The following FBN3 variants were observed in gnomAD, a reference collection of about 807,000 sequenced individuals.
FBN3 encodes fibrillin 3.
Under a neutral mutation model 330.1 loss-of-function variants are expected in FBN3, and 234 were observed. The observed-to-expected ratio is 0.71, with a 90% CI of 0.64 to 0.79. The LOEUF (loss-of-function observed/expected upper bound fraction) is 0.79, where lower values mean the gene tolerates loss of function less well. Ranked by LOEUF, FBN3 falls within the 30% of genes least tolerant of loss-of-function variation. The pLI is 0.00. For missense variants in FBN3, 3,606 were observed against 3,886.9 expected, an observed-to-expected ratio of 0.93 and a Z score of 1.92; for synonymous variants, 1,458 against 1,517.3, an observed-to-expected ratio of 0.96 and a Z score of 0.91.
In FBN3 at chr19:8,123,913, T is replaced by G. The variant is rs759987305; in HGVS notation, c.2827A>C (p.Ile943Leu). 48 of 1,613,794 alleles carry G rather than the reference T, an allele frequency of 3.0e-5. 1 individual carries two copies. In the Admixed American group the frequency reaches 7.3e-4, roughly 25 times the overall value. The change falls in exon 23 of 64, where the codon ATC becomes CTC. Residue 943 changes from isoleucine to leucine, a missense_variant. Transcript: ENST00000600128. Reference sequence around the variant, plus strand: ...CACTCGACTCCCCACACGGCCCCGATGGAGCAGCAGCAGACGTCCATCCGG... The same window carrying G: ...CACTCGACTCCCCACACGGCCCCGAGGGAGCAGCAGCAGACGTCCATCCGG... ...KYRMDVCCCS[I>L]GAVWGVECEA...
intron 62 of FBN3, 97 bp downstream of exon 62, chr19:8,072,966 C>CAT: frequency 1.6e-6 from 1 of 643,270 alleles, no homozygotes; most frequent in Non-Finnish European, 2.7e-6. Flanking sequence ...CACAAAGCCC[C>CAT]GTGTGTGTGT....
At chr19:8,085,158 C>T (rs2081907348) in intron 56 of FBN3, among the ~76,000 whole-genome samples, 1 of 151,930 alleles carries the variant, frequency 6.6e-6, no homozygotes, top group Admixed American at 6.6e-5. Flanking sequence ...GCTCCCTCAA[C>T]CCCCCGAGTT....
At chr19:8,128,938 G>T in intron 18 of FBN3, 90 bp downstream of exon 18, 2 of 1,458,336 alleles carry the variant, frequency 1.4e-6, no homozygotes, top group Non-Finnish European at 1.9e-6. Context: ...ATCTTTGAGC[G>T]TGTGCATGCC....
At chr19:8,066,519 T>C (rs536633714) in intron 63 of FBN3, among the ~76,000 whole-genome samples, 25 of 152,242 alleles carry the variant, frequency 1.6e-4, no homozygotes, top group African/African-American at 4.8e-4. Context: ...AAAAATTGCA[T>C]ACCCATGGAC....
rs1286543496 is a variant in FBN3 at position 8,126,601 on chromosome 19, G to A, written c.2421C>T (p.Ser807=). 2 of 1,609,222 alleles carry A rather than the reference G, an allele frequency of 1.2e-6. No individual in the cohort carries two copies. Among genetic ancestry groups the A allele is most frequent in the Non-Finnish European group, 1.7e-6 (2 of 1,179,744 alleles). The change falls in exon 20 of 64, where the codon AGC becomes AGT. Residue 807 remains serine (S), a synonymous_variant. Coordinates refer to ENST00000600128, the MANE Select transcript of FBN3 (RefSeq NM_032447.5). ...LDPSGTFCLD[S]TKGTCWLKIQ... Reference sequence around the variant, plus strand: ...TCTTCAGCCAGCAGGTGCCCTTGGTGCTGTCTGGGGAGAAGAGGCGGGTCA... The same window carrying A: ...TCTTCAGCCAGCAGGTGCCCTTGGTACTGTCTGGGGAGAAGAGGCGGGTCA...
At chr19:8,105,967 A>T in intron 38 of FBN3, 141 bp downstream of exon 38, 1 of 932,292 alleles carries the variant, frequency 1.1e-6, no homozygotes, top group Non-Finnish European at 1.6e-6. Context: ...GAGAACTGAC[A>T]GATCATGACA....
intron 18 of FBN3, 125 bp downstream of exon 18, chr19:8,128,903 G>T: frequency 8.7e-7 from 1 of 1,154,128 alleles, no homozygotes; most frequent in Non-Finnish European, 1.2e-6. Flanking sequence ...TAGCATGCGT[G>T]TGTGAATAGA....
Position 8,110,849 on chromosome 19 carries a change from G to A in FBN3, c.4329C>T (p.Cys1443=), listed in dbSNP as rs2082563370. The A allele has an allele frequency of 6.2e-7, 1 of 1,614,068 alleles. No individual in the cohort carries two copies. The highest frequency in any genetic ancestry group is 1.7e-5 in the Admixed American group (1 of 60,002). Residue 1443 remains cysteine, a synonymous_variant, in exon 34 of 64, where the codon TGC becomes TGT. Coordinates refer to ENST00000600128, the MANE Select transcript of FBN3 (RefSeq NM_032447.5). ...GYELDRGGGN[C]TDINECADPV... is the part of the protein sequence containing the mutation. ...CCAGCCCAGATGACCTCACACCTGT[G>A]CAGTTGCCACCCCCTCGGTCCAGTT...
Position 8,126,846 on chromosome 19 carries a change from C to A in FBN3, c.2297-14G>T, listed in dbSNP as rs753890823. ...ATTCGTCGACATCTGTGGGGACAGC[C>A]CCCCACCAGGTCCTGAGCTGCAGGA... On this transcript the variant is annotated splice_polypyrimidine_tract_variant and intron_variant, in intron 18 of 63. Coordinates refer to ENST00000600128, the MANE Select transcript of FBN3 (RefSeq NM_032447.5). 6.5e-7 allele frequency: 1 copy of A among 1,536,536 alleles called. No homozygotes were observed. The highest frequency in any genetic ancestry group is 2.2e-5 in the Admixed American group (1 of 46,362).
rs1288202228 is a variant in FBN3, at chr19:8,075,208, GGA to G, written c.7583-20_7583-19del. 2 of 1,570,824 alleles carry G rather than the reference GGA, an allele frequency of 1.3e-6. No homozygotes were observed. Among genetic ancestry groups the G allele is most frequent in the East Asian group, 4.5e-5 (2 of 44,164 alleles). On this transcript the variant is annotated intron_variant, in intron 60 of 63. Coordinates refer to ENST00000600128, the MANE Select transcript of FBN3 (RefSeq NM_032447.5). Reference sequence around the variant, plus strand: ...ATTCACATCTGAGACATAGAGAGAGGGAGAGAGGGTTTACCAGACGGCTCTCA... The same window carrying G: ...ATTCACATCTGAGACATAGAGAGAGGGAGAGGGTTTACCAGACGGCTCTCA...
rs1440663908 is a variant in FBN3, at chr19:8,109,052, C to CA, written c.4618+174dup. Among the ~76,000 whole-genome samples the CA allele has an allele frequency of 6.6e-6, 1 of 152,146 alleles. No homozygotes were observed. The highest frequency in any genetic ancestry group is 1.5e-5 in the Non-Finnish European group (1 of 68,032). On this transcript the variant is annotated intron_variant, in intron 36 of 63. Coordinates refer to ENST00000600128, the MANE Select transcript of FBN3 (RefSeq NM_032447.5). The surrounding 1 kb of genome is among the most constrained non-coding windows in gnomAD (Gnocchi z 5.2). ...AAGCGACCTTGGAGAGAGGCCCAGC[C>CA]AATGAACTACCAAGACGTACACTGT...
At chr19:8,119,771 C>T (rs2082794235) in intron 25 of FBN3, among the ~76,000 whole-genome samples, 1 of 150,392 alleles carries the variant, frequency 6.6e-6, no homozygotes, top group Non-Finnish European at 1.5e-5. Context: ...GCCTCAGCCT[C>T]CCAAATTGCC....
intron 13 of FBN3, 25 bp downstream of exon 13, chr19:8,135,936 G>GGGCACC: frequency 4.5e-6 from 3 of 668,778 alleles, no homozygotes; most frequent in Admixed American, 2.9e-5. Flanking sequence ...GGAAGCCCCT[G>GGGCACC]CCCACCCGCC....
chr19:8,132,125 G>A (rs980624329), intron 14 of FBN3, among the ~76,000 whole-genome samples: 3 of 151,902 alleles, frequency 2.0e-5, no homozygotes, highest in African/African-American at 7.3e-5. Context: ...AGCTCACTGC[G>A]GCCTCCAACT....
rs370584203 is a variant in FBN3 at position 8,128,433 on chromosome 19, G to A, written c.2296+595C>T. The stretch of plus-strand genomic sequence containing the variant: ...ACAAAAATTATCTGGGCTTGGTGAC[G>A]GACGCCTGTAATCCCAGCTACTTGG... On this transcript the variant is annotated intron_variant, in intron 18 of 63. Coordinates refer to ENST00000600128, the MANE Select transcript of FBN3 (RefSeq NM_032447.5). Among the ~76,000 whole-genome samples, 100 of 152,114 alleles carry A rather than the reference G, an allele frequency of 6.6e-4. 1 individual carries two copies. In the South Asian group the frequency reaches 0.02, roughly 31 times the overall value.
At position 8,108,169 on chromosome 19, in the gene FBN3, C is replaced by A; in HGVS notation, c.4687+1G>T. The A allele has an allele frequency of 6.2e-7, 1 of 1,612,150 alleles. No homozygotes were observed. The highest frequency in any genetic ancestry group is 8.5e-7 in the Non-Finnish European group (1 of 1,179,242). On this transcript the variant is annotated splice_donor_variant, in intron 37 of 63. Coordinates refer to ENST00000600128, the MANE Select transcript of FBN3 (RefSeq NM_032447.5). LOFTEE classifies it high-confidence loss of function. ...GGATGGATGATCTGCCAGGAACTCA[C>A]CTTCCAGAATGACAGTGATGCGGTT...
intron 63 of FBN3, among the ~76,000 whole-genome samples, chr19:8,070,848 C>G (rs979680711): frequency 1.4e-4 from 21 of 152,066 alleles, no homozygotes; most frequent in Admixed American, 1.4e-3. Flanking sequence ...CATGAAGAAA[C>G]CCCGTCTCTA....
intron 6 of FBN3, among the ~76,000 whole-genome samples, chr19:8,143,819 CT>C (rs1225164430): frequency 2.6e-4 from 30 of 117,594 alleles, no homozygotes; most frequent in Non-Finnish European, 2.1e-4. Flanking sequence ...TTCTTTCTTT[CT>C]TTTTTTTTTT....
rs137862564 is a variant in FBN3, at chr19:8,107,685, T to A, written c.4687+485A>T. On this transcript the variant is annotated intron_variant, in intron 37 of 63. Transcript: ENST00000600128. ...GGATAAGAGAGGGATGAGTGGAGGA[T>A]GGATGAATGGGTAGATGGAGGATGG... Among the ~76,000 whole-genome samples, 350 of 149,228 alleles carry A rather than the reference T, an allele frequency of 2.3e-3. 2 individuals carry two copies. Among genetic ancestry groups the A allele is most frequent in the African/African-American group, 8.2e-3 (333 of 40,466 alleles).
Sources: gnomAD v4.1 joint callset for allele counts (sites outside exome capture counted in the v4.1 genomes callset) on GRCh38, gnomAD v4.1.1 for gene constraint, Gnocchi (gnomAD v3.1) non-coding constraint, MANE v1.5 for transcripts, NCBI Gene and HGNC (gene_info 2026-07-23, HGNC 2026-07-21) for gene names.